Variants in MAP4 observed in about 807,000 individuals in gnomAD.
The protein encoded by MAP4 is microtubule associated protein 4.
A neutral mutation model predicts 170.2 loss-of-function variants in MAP4; 76 were observed. That is an observed-to-expected ratio of 0.45 (90% CI 0.37 to 0.54). The LOEUF (loss-of-function observed/expected upper bound fraction) is 0.54, where lower values mean the gene tolerates loss of function less well. Ranked by LOEUF, MAP4 falls within the 20% of genes least tolerant of loss-of-function variation. MAP4 has a pLI of 0.00. For synonymous variants in MAP4, 909 were observed against 994.5 expected (o/e 0.91, Z 1.62); for missense variants, 2,506 against 2,748.0 (o/e 0.91, Z 1.97).
intron 10 of MAP4, chr3:47,891,345 G>A: frequency 3.9e-6 from 6 of 1,536,066 alleles, no homozygotes; most frequent in Non-Finnish European, 5.2e-6. Flanking sequence ...ATGAAAGGAG[G>A]TATCTCTTTA....
chr3:47,974,001 T>C, intron 3 of MAP4: 18 of 985,470 alleles, frequency 1.8e-5, no homozygotes, highest in Non-Finnish European at 2.2e-5. Flanking sequence ...AATCCAGCCC[T>C]TGTGACCAGA....
chr3:47,869,358 A>G, intron 15 of MAP4, 31 bp from the exon 16 acceptor site: 1 of 1,440,670 alleles, frequency 6.9e-7, no homozygotes, highest in Non-Finnish European at 9.8e-7. Context: ...GGCAAATTTC[A>G]AACCAAGAGG....
intron 12 of MAP4, among the ~76,000 whole-genome samples, chr3:47,872,426 G>A (rs773705062): frequency 2.5e-4 from 38 of 152,180 alleles, no homozygotes; most frequent in Non-Finnish European, 4.0e-4. Context: ...CTCATGATCC[G>A]CCTGCCTCAG....
intron 3 of MAP4, among the ~76,000 whole-genome samples, chr3:47,966,404 G>T (rs539163183): frequency 4.0e-5 from 6 of 151,692 alleles, no homozygotes; most frequent in Admixed American, 3.9e-4. Context: ...CTGCCACCAT[G>T]CCCGGCTAAT....
rs2058527894 is a variant in MAP4, at chr3:47,857,468, G to A, written c.6546C>T (p.Ser2182=). 1.2e-6 allele frequency: 2 copies of A among 1,614,128 alleles called. No homozygotes were observed. Among genetic ancestry groups the A allele is most frequent in the Non-Finnish European group, 8.5e-7 (1 of 1,179,986 alleles). ...TGATGTTAGCCTTAGACCCACACTTGGAGGAGACCTTAGAGATGTCCACTT... is the reference window on the plus strand; with the variant it reads ...TGATGTTAGCCTTAGACCCACACTTAGAGGAGACCTTAGAGATGTCCACTT... ...NKKVDISKVS[S]KCGSKANIKH... is the part of the protein sequence containing the mutation. Residue 2182 remains serine (S), a synonymous_variant, in exon 18 of 21, where the codon TCC becomes TCT. Coordinates refer to ENST00000683076, the MANE Select transcript of MAP4 (RefSeq NM_001385682.1).
chr3:48,028,199 G>A (rs1463228922), intron 1 of MAP4, among the ~76,000 whole-genome samples: 1 of 152,166 alleles, frequency 6.6e-6, no homozygotes, highest in Non-Finnish European at 1.5e-5. Flanking sequence ...GGCTGACGCA[G>A]GAGAATCACT....
At chr3:47,934,484 T>C (rs2100051610) in intron 3 of MAP4, among the ~76,000 whole-genome samples, 1 of 152,186 alleles carries the variant, frequency 6.6e-6, no homozygotes, top group Admixed American at 6.5e-5. Context: ...GTATTTTTGG[T>C]AGAGACAGGA....
At position 47,871,781 on chromosome 3, in the gene MAP4, A is replaced by G. The variant is rs1576856234; in HGVS notation, c.5941+136T>C. The stretch of plus-strand genomic sequence containing the variant: ...AGGCCCACAGGGCTACCACTGTTCC[A>G]GGTAGTCCACTAAGGACCGGTGCGT... On this transcript the variant is annotated intron_variant, in intron 13 of 20. Transcript: ENST00000683076. The G allele has an allele frequency of 9.3e-6, 7 of 756,688 alleles. No homozygotes were observed. In the East Asian group the frequency reaches 1.8e-4, roughly 19 times the overall value. The allele number at this position is 756,688 out of a possible 1,614,324, so 46.9% of individuals were successfully genotyped here. A position where few individuals can be genotyped will look rare whatever the true frequency, so the allele number is the denominator to read the frequency against.
At chr3:47,887,522 C>A (rs1048591774) in intron 10 of MAP4, among the ~76,000 whole-genome samples, 1 of 152,240 alleles carries the variant, frequency 6.6e-6, no homozygotes, top group African/African-American at 2.4e-5. Context: ...CCCGAGCCTC[C>A]CTGACAAGCA....
Position 47,901,450 on chromosome 3 carries a change from C to T in MAP4, c.5434+1500G>A, listed in dbSNP as rs566619126. ...ATACACTTCAGGAGGCCGAGGTGGA[C>T]GGATCACTTGAGCTCAGGAGTTCAA... On this transcript the variant is annotated intron_variant, in intron 10 of 20. Coordinates refer to ENST00000683076, the MANE Select transcript of MAP4 (RefSeq NM_001385682.1). 2.2e-4 allele frequency among the ~76,000 whole-genome samples: 34 copies of T among 152,152 alleles called. No individual in the cohort carries two copies. The South Asian group carries it at 4.8e-3, about 21-fold the overall frequency.
At chr3:47,948,013 T>G (rs79285137) in intron 3 of MAP4, among the ~76,000 whole-genome samples, 1 of 151,666 alleles carries the variant, frequency 6.6e-6, no homozygotes, top group East Asian at 1.9e-4. Flanking sequence ...CTTTTTTTTT[T>G]TGTCATGGAG....
intron 10 of MAP4, chr3:47,891,993 C>T: frequency 1.3e-6 from 2 of 1,536,366 alleles, no homozygotes; most frequent in Non-Finnish European, 1.7e-6. Context: ...TCAGCAGCCC[C>T]AGGGAAATCC....
chr3:47,874,340 G>C (rs777762050), intron 12 of MAP4, among the ~76,000 whole-genome samples: 1 of 152,064 alleles, frequency 6.6e-6, no homozygotes, highest in Non-Finnish European at 1.5e-5. Context: ...GTGGTGGCGG[G>C]TGCCTGTAAT....
intron 10 of MAP4, among the ~76,000 whole-genome samples, chr3:47,885,587 T>C (rs899526836): frequency 6.6e-6 from 1 of 151,866 alleles, no homozygotes; most frequent in African/African-American, 2.4e-5. Context: ...TGGTAGGAGG[T>C]TTTTGTAATG....
chr3:48,025,366 G>GCCACCT (rs2100112497), intron 1 of MAP4, among the ~76,000 whole-genome samples: 1 of 147,826 alleles, frequency 6.8e-6, no homozygotes, highest in Non-Finnish European at 1.5e-5. Context: ...TCGGCTCACT[G>GCCACCT]CCACCTCTGC....
intron 2 of MAP4, among the ~76,000 whole-genome samples, chr3:47,989,735 G>T (rs1484186891): frequency 6.6e-6 from 1 of 152,092 alleles, no homozygotes; most frequent in East Asian, 1.9e-4. Flanking sequence ...ATATTTCCCT[G>T]CCAGATAAGA....
chr3:47,884,817 T>G (rs2097301535), intron 10 of MAP4, among the ~76,000 whole-genome samples: 1 of 152,052 alleles, frequency 6.6e-6, no homozygotes, highest in South Asian at 2.1e-4. Flanking sequence ...AAGTAGAGGT[T>G]CTGAAACCTA....
At chr3:47,918,326 G>C (rs1318132451) in intron 6 of MAP4, among the ~76,000 whole-genome samples, 1 of 151,534 alleles carries the variant, frequency 6.6e-6, no homozygotes, top group Non-Finnish European at 1.5e-5. Flanking sequence ...CACCATGTTG[G>C]CTGGGCTGGT....
At chr3:48,009,186 C>T (rs572712068) in intron 1 of MAP4, among the ~76,000 whole-genome samples, 15 of 152,184 alleles carry the variant, frequency 9.9e-5, no homozygotes, top group African/African-American at 2.4e-4. Context: ...TTGCAACATC[C>T]GCCTCCCGGG....
Sources: allele counts gnomAD v4.1 joint callset (sites outside exome capture counted in the v4.1 genomes callset), GRCh38; gene constraint gnomAD v4.1.1; transcripts MANE v1.5; gene names NCBI Gene and HGNC (gene_info 2026-07-23, HGNC 2026-07-21).